Variants in GNA14 observed in about 807,000 individuals in gnomAD.
GNA14 encodes the protein G protein subunit alpha 14, also known as guanine nucleotide-binding protein subunit alpha-14.
In GNA14, 50 loss-of-function variants were observed where a neutral mutation model predicts 42.0. That is an observed-to-expected ratio of 1.19 (90% confidence interval 0.95 to 1.51). The LOEUF is 1.51. Ranked by LOEUF, GNA14 falls within the 40% of genes most tolerant of loss-of-function variation. GNA14 has a pLI of 0.00. For missense variants in GNA14, 473 were observed against 446.2 expected (o/e 1.06, Z -0.54); for synonymous variants, 173 against 163.1 (o/e 1.06, Z -0.46).
chr9:77,532,811 G>T (rs1003510343), intron 1 of GNA14, among the ~76,000 whole-genome samples: 2 of 152,096 alleles, frequency 1.3e-5, no homozygotes, highest in African/African-American at 4.8e-5. Flanking sequence ...CTGGTGGAGG[G>T]TCCTCTGCAG....
intron 1 of GNA14, among the ~76,000 whole-genome samples, chr9:77,529,931 G>A (rs1837503684): frequency 1.3e-5 from 2 of 152,152 alleles, no homozygotes; most frequent in Admixed American, 1.3e-4. Context: ...ATTTGAAAAG[G>A]TAGTAAAAGT....
chr9:77,441,244 G>C (rs1835728805), intron 2 of GNA14, among the ~76,000 whole-genome samples: 1 of 152,094 alleles, frequency 6.6e-6, no homozygotes, highest in South Asian at 2.1e-4. Flanking sequence ...GGATGATGGG[G>C]GCGGTTTCTC....
rs1554691955 is a variant in GNA14 at position 77,498,393 on chromosome 9, A to AG, written c.309+30675_309+30676insC. Among the ~76,000 whole-genome samples, 978 of 150,394 alleles carry AG rather than the reference A, an allele frequency of 6.5e-3. 6 individuals carry two copies. Among genetic ancestry groups the AG allele is most frequent in the Non-Finnish European group, 8.6e-3 (584 of 67,524 alleles). On this transcript the variant is annotated intron_variant, in intron 2 of 6. Transcript: ENST00000341700. Reference sequence around the variant, plus strand: ...TGTCTCAAAAAAAAAAAAAAAGAAAAAAAAGAAAAAGAAAACAAGCTGCAC... The same window carrying AG: ...TGTCTCAAAAAAAAAAAAAAAGAAAAGAAAAGAAAAAGAAAACAAGCTGCAC...
intron 2 of GNA14, among the ~76,000 whole-genome samples, chr9:77,459,537 G>T (rs932994439): frequency 3.9e-5 from 6 of 152,016 alleles, no homozygotes; most frequent in African/African-American, 7.2e-5. Context: ...CCCAGGCACC[G>T]CCTCTTGCCT....
chr9:77,589,300 A>AC (rs766850363), intron 1 of GNA14, among the ~76,000 whole-genome samples: 7 of 152,204 alleles, frequency 4.6e-5, no homozygotes, highest in South Asian at 4.1e-4. Context: ...AAGCTATTTG[A>AC]CTTTCTGCGT....
At chr9:77,592,784 T>A (rs140231709) in intron 1 of GNA14, among the ~76,000 whole-genome samples, 280 of 152,360 alleles carry the variant, frequency 1.8e-3, no homozygotes, top group Non-Finnish European at 3.2e-3. Flanking sequence ...TGCTGTAGGA[T>A]CCTTTATCTT....
intron 1 of GNA14, among the ~76,000 whole-genome samples, chr9:77,564,894 C>T (rs1822942712): frequency 6.6e-6 from 1 of 152,050 alleles, no homozygotes; most frequent in African/African-American, 2.4e-5. Flanking sequence ...TGCCCTGCTT[C>T]CAGTCCAGGG....
intron 1 of GNA14, among the ~76,000 whole-genome samples, chr9:77,536,912 T>C (rs935884290): frequency 2.0e-5 from 3 of 152,222 alleles, no homozygotes; most frequent in Non-Finnish European, 2.9e-5. Context: ...ATTTCTCCTA[T>C]TTGCCATATG....
intron 2 of GNA14, among the ~76,000 whole-genome samples, chr9:77,508,751 T>G (rs1837110921): frequency 6.6e-6 from 1 of 152,086 alleles, no homozygotes; most frequent in African/African-American, 2.4e-5. Context: ...CAAGACTGGG[T>G]CAGGGAAAAT....
In GNA14 at chr9:77,553,190, C is replaced by T. The variant is rs540346754; in HGVS notation, c.125-23937G>A. 6.3e-4 allele frequency among the ~76,000 whole-genome samples: 96 copies of T among 152,242 alleles called. 1 individual carries two copies. The highest frequency in any genetic ancestry group is 1.2e-3 in the Non-Finnish European group (82 of 68,016). On this transcript the variant is annotated intron_variant, in intron 1 of 6. Coordinates refer to ENST00000341700, the MANE Select transcript of GNA14 (RefSeq NM_004297.4). ...ATAATTAGCCTTGTTCTTTTCTACT[C>T]CCCCAGCCCAGTTCTTGGATATACC...
chr9:77,630,942 G>A (rs542369586), intron 1 of GNA14, among the ~76,000 whole-genome samples: 1 of 152,132 alleles, frequency 6.6e-6, no homozygotes, highest in Non-Finnish European at 1.5e-5. Flanking sequence ...CCCAACATTA[G>A]AGTCTATTTT....
chr9:77,596,787 A>G (rs2117903638), intron 1 of GNA14, among the ~76,000 whole-genome samples: 1 of 152,288 alleles, frequency 6.6e-6, no homozygotes, highest in South Asian at 2.1e-4. Context: ...ATAAATGCAT[A>G]TCTGATTGCC....
intron 1 of GNA14, among the ~76,000 whole-genome samples, chr9:77,545,814 A>G (rs762517017): frequency 9.9e-5 from 15 of 152,090 alleles, no homozygotes; most frequent in Non-Finnish European, 1.5e-4. Flanking sequence ...TTATCGTTGC[A>G]TTTGCCATGA....
chr9:77,490,033 T>G (rs1269941157), intron 2 of GNA14, among the ~76,000 whole-genome samples: 1 of 151,842 alleles, frequency 6.6e-6, no homozygotes, highest in Non-Finnish European at 1.5e-5. Flanking sequence ...CTGAGCTAGA[T>G]ACAAAGGTTC....
At chr9:77,606,183 T>G (rs1823643352) in intron 1 of GNA14, among the ~76,000 whole-genome samples, 1 of 152,082 alleles carries the variant, frequency 6.6e-6, no homozygotes, top group Non-Finnish European at 1.5e-5. Context: ...CAGGAGAAAT[T>G]ATCAGCAATT....
chr9:77,583,445 GGAAGTTCAT>G (rs2117864689), intron 1 of GNA14, among the ~76,000 whole-genome samples: 1 of 152,284 alleles, frequency 6.6e-6, no homozygotes, highest in African/African-American at 2.4e-5. Context: ...GGATTTCTCT[GGAAGTTCAT>G]GAAGTTCCAG....
chr9:77,550,080 TG>T (rs1452669577), intron 1 of GNA14, among the ~76,000 whole-genome samples: 1 of 152,092 alleles, frequency 6.6e-6, no homozygotes, highest in Non-Finnish European at 1.5e-5. Context: ...TAAAGTCTTT[TG>T]CACTGTGGGT....
intron 2 of GNA14, among the ~76,000 whole-genome samples, chr9:77,463,336 G>A (rs1836149624): frequency 6.6e-6 from 1 of 152,106 alleles, no homozygotes; most frequent in Admixed American, 6.5e-5. Flanking sequence ...CTCTACTCAA[G>A]ACAGCCAAGA....
chr9:77,525,254 A>G (rs1837416327), intron 2 of GNA14, among the ~76,000 whole-genome samples: 1 of 152,128 alleles, frequency 6.6e-6, no homozygotes, highest in African/African-American at 2.4e-5. Flanking sequence ...CTGGCCCTTT[A>G]CAGAAAAGTT....
Sources: allele counts gnomAD v4.1 joint callset (sites outside exome capture counted in the v4.1 genomes callset), GRCh38; gene constraint gnomAD v4.1.1; transcripts MANE v1.5; gene names NCBI Gene and HGNC (gene_info 2026-07-23, HGNC 2026-07-21).